Variants in FRMPD4 observed in about 807,000 individuals in gnomAD.
The protein encoded by FRMPD4 is FERM and PDZ domain containing 4.
In FRMPD4, 22 loss-of-function variants were observed where a neutral mutation model predicts 94.1. The ratio of observed to expected loss-of-function variants is 0.23; its 90% CI spans 0.17 to 0.33. The LOEUF is 0.33. Among genes scored for constraint, FRMPD4 ranks in the 10% least tolerant of loss-of-function variants. FRMPD4 has a pLI of 1.00. For synonymous variants in FRMPD4, 631 were observed against 548.6 expected (o/e 1.15, Z -2.10); for missense variants, 1,111 against 1,339.9 (o/e 0.83, Z 2.67).
In FRMPD4 at chrX:12,458,782, A is replaced by G. The variant is rs566468745; in HGVS notation, c.42-39898A>G. ...AAATGAAGACCATGAGGCACAATCAATGGAAGAAGCCTAAGATGCAAGTCA... is the reference window on the plus strand; with the variant it reads ...AAATGAAGACCATGAGGCACAATCAGTGGAAGAAGCCTAAGATGCAAGTCA... On this transcript the variant is annotated intron_variant, in intron 1 of 16. Coordinates refer to ENST00000675598, the MANE Select transcript of FRMPD4 (RefSeq NM_001368397.1). Among the ~76,000 whole-genome samples, 3 of 111,966 alleles carry G rather than the reference A, an allele frequency of 2.7e-5. No individual in the cohort carries two copies. The South Asian group carries it at 1.1e-3, about 41-fold the overall frequency.
chrX:12,633,335 G>T (rs1335867048), intron 4 of FRMPD4, among the ~76,000 whole-genome samples: 1 of 111,986 alleles, frequency 8.9e-6, no homozygotes, highest in Non-Finnish European at 1.9e-5. Flanking sequence ...CCCTAGCTAT[G>T]ATGTTAAAGG....
intron 2 of FRMPD4, among the ~76,000 whole-genome samples, chrX:12,540,654 A>C (rs1011123906): frequency 1.2e-4 from 13 of 111,152 alleles, no homozygotes; most frequent in African/African-American, 3.6e-4. Context: ...GACTTTAACA[A>C]CCCACTGTCA....
intron 1 of FRMPD4, among the ~76,000 whole-genome samples, chrX:12,316,210 G>A (rs897522289): frequency 2.7e-5 from 3 of 111,159 alleles, no homozygotes; most frequent in Admixed American, 9.5e-5. Context: ...TCAGTGGCAC[G>A]ATCTCAGCTC....
At chrX:12,021,407 C>T (rs2054631408) in intron 3 of FRMPD4, among the ~76,000 whole-genome samples, 2 of 111,226 alleles carry the variant, frequency 1.8e-5, no homozygotes, top group African/African-American at 6.5e-5. Flanking sequence ...GCTGACAAAT[C>T]GAATTGATAA....
intron 1 of FRMPD4, among the ~76,000 whole-genome samples, chrX:12,181,797 CCA>C (rs2056361909): frequency 9.0e-6 from 1 of 111,682 alleles, no homozygotes; most frequent in African/African-American, 3.3e-5. Flanking sequence ...AGGCTGCATG[CCA>C]ATGAAGCTAG....
chrX:12,096,220 C>T (rs752919639), intron 3 of FRMPD4, among the ~76,000 whole-genome samples: 2 of 111,698 alleles, frequency 1.8e-5, no homozygotes, highest in Non-Finnish European at 3.8e-5. Flanking sequence ...TACTGCTGCC[C>T]GTGACCATAA....
chrX:12,582,993 C>T (rs1464856052), intron 2 of FRMPD4, among the ~76,000 whole-genome samples: 1 of 112,324 alleles, frequency 8.9e-6, no homozygotes, highest in Non-Finnish European at 1.9e-5. Context: ...TGCCTTCCCT[C>T]TCCCACCATC....
intron 3 of FRMPD4, among the ~76,000 whole-genome samples, chrX:12,131,201 C>A (rs779837056): frequency 8.9e-6 from 1 of 111,936 alleles, no homozygotes; most frequent in Non-Finnish European, 1.9e-5. Context: ...TGGTTCTTAA[C>A]CTTGAATAAA....
At chrX:12,362,261 G>T (rs889132642) in intron 1 of FRMPD4, among the ~76,000 whole-genome samples, 4 of 109,110 alleles carry the variant, frequency 3.7e-5, no homozygotes, top group East Asian at 2.9e-4. Flanking sequence ...CAACGTGCAG[G>T]TTTGTTACAT....
Position 12,701,940 on chromosome X carries a change from G to A in FRMPD4, c.1000G>A (p.Ala334Thr). ...ELKYDIALRL[A>T]ALQMYIATVT... The stretch of plus-strand genomic sequence containing the variant: ...GAAATATGACATAGCCCTGCGGCTG[G>A]CCGCATTACAAATGTACATTGCAAC... The change falls in exon 10 of 17, where the codon GCC becomes ACC. Residue 334 changes from alanine to threonine, a missense_variant. Physicochemically the swap from Ala to Thr is moderately conservative, Grantham distance 58 (BLOSUM62 0). This residue lies in a region of FRMPD4 where 111 missense variants were observed against 160.7 expected (regional missense o/e 0.69). Coordinates refer to ENST00000675598, the MANE Select transcript of FRMPD4 (RefSeq NM_001368397.1). 8.3e-7 allele frequency: 1 copy of A among 1,209,990 alleles called. No homozygotes were observed.
At chrX:12,715,998 G>GCCGGGGGGGCCCC in intron 14 of FRMPD4, 71 bp from the exon 15 acceptor site, 1 of 383,856 alleles carries the variant, frequency 2.6e-6, no homozygotes, top group Non-Finnish European at 4.7e-6. Context: ...ACAGAGACGA[G>GCCGGGGGGGCCCC]CCTCCCACCC....
chrX:12,533,904 G>C (rs750586828), intron 2 of FRMPD4, among the ~76,000 whole-genome samples: 9 of 112,846 alleles, frequency 8.0e-5, no homozygotes, highest in African/African-American at 2.6e-4. Flanking sequence ...ATTCAAGCAG[G>C]CTGCAGAAAT....
chrX:12,444,191 A>G (rs1264260329), intron 1 of FRMPD4, among the ~76,000 whole-genome samples: 39 of 111,192 alleles, frequency 3.5e-4, no homozygotes, highest in African/African-American at 1.2e-3. Context: ...AAAAAAATAG[A>G]ATATGGGGAA....
At chrX:12,495,746 TA>T (rs112217539) in intron 1 of FRMPD4, among the ~76,000 whole-genome samples, 6,162 of 109,225 alleles carry the variant, frequency 0.056, 426 homozygotes, top group African/African-American at 0.19. Context: ...ATAATAATAA[TA>T]AAAAAAAAGG....
chrX:12,328,903 A>C (rs2055328866), intron 1 of FRMPD4, among the ~76,000 whole-genome samples: 1 of 111,886 alleles, frequency 8.9e-6, no homozygotes, highest in Non-Finnish European at 1.9e-5. Flanking sequence ...GTAGGTGCCA[A>C]GGGAGAGCTT....
intron 2 of FRMPD4, among the ~76,000 whole-genome samples, chrX:12,532,075 A>G (rs2058291413): frequency 8.9e-6 from 1 of 111,992 alleles, no homozygotes; most frequent in South Asian, 3.7e-4. Flanking sequence ...GAAGGTCAAC[A>G]ATGTATGTGA....
chrX:12,078,744 A>G (rs2055039551), intron 3 of FRMPD4, among the ~76,000 whole-genome samples: 1 of 111,554 alleles, frequency 9.0e-6, no homozygotes. Flanking sequence ...GTGGTGGAGC[A>G]CTACCCTGCG....
intron 1 of FRMPD4, among the ~76,000 whole-genome samples, chrX:12,270,265 A>G (rs2054335682): frequency 1.1e-4 from 1 of 8,958 alleles, no homozygotes; most frequent in Non-Finnish European, 2.3e-4. Context: ...GTCTTTTTTG[A>G]AAAAAAAATG....
At chrX:11,955,483 A>AATGT (rs61232615) in intron 3 of FRMPD4, among the ~76,000 whole-genome samples, 16,228 of 107,865 alleles carry the variant, frequency 0.15, 1,667 homozygotes, top group African/African-American at 0.35. Flanking sequence ...TAAATAAATA[A>AATGT]ATGTATGTAT....
Sources: gnomAD v4.1 joint callset for allele counts (sites outside exome capture counted in the v4.1 genomes callset) on GRCh38, gnomAD v4.1.1 for gene constraint, gnomAD v4.1.1 regional missense constraint, MANE v1.5 for transcripts, NCBI Gene and HGNC (gene_info 2026-07-23, HGNC 2026-07-21) for gene names.